PRMT2: variants seen among roughly 807,000 people sequenced by gnomAD.
The protein encoded by PRMT2 is protein arginine N-methyltransferase 2.
A neutral mutation model predicts 57.6 loss-of-function variants in PRMT2; 26 were observed. The observed-to-expected ratio is 0.45, with a 90% CI of 0.33 to 0.63. The LOEUF is 0.63. PRMT2 is among the 20% of genes least tolerant of loss of function. The pLI is 0.02. For missense variants in PRMT2, 472 were observed against 564.4 expected (o/e 0.84, Z 1.66); for synonymous variants, 219 against 220.0 (o/e 1.00, Z 0.04).
intron 10 of PRMT2, 43 bp downstream of exon 10, chr21:46,661,979 A>AGATGGGGGGCT: frequency 3.6e-5 from 2 of 56,212 alleles, no homozygotes; most frequent in Non-Finnish European, 6.5e-5. Flanking sequence ...GGTGGGGGGC[A>AGATGGGGGGCT]GGGGAGTAGG....
Position 46,660,977 on chromosome 21 carries a change from A to C in PRMT2, c.960+15A>C. ...CTGATCTAGAGGTGAGAAAAAGATG[A>C]ATTGCTCCTTACATTCGATAATCAG... On this transcript the variant is annotated intron_variant, in intron 9 of 11. Transcript: ENST00000355680. The C allele has an allele frequency of 6.2e-7, 1 of 1,608,740 alleles. No individual in the cohort carries two copies. The highest frequency in any genetic ancestry group is 8.5e-7 in the Non-Finnish European group (1 of 1,177,486).
At position 46,649,018 on chromosome 21, in the gene PRMT2, C is replaced by T. The variant is rs570150550; in HGVS notation, c.489+399C>T. ...TGGGAGGGATGCACACGCTGGGCCCCCTCCCCACCCCTCTTAGGCCGTCTA... is the reference window on the plus strand; with the variant it reads ...TGGGAGGGATGCACACGCTGGGCCCTCTCCCCACCCCTCTTAGGCCGTCTA... On this transcript the variant is annotated intron_variant, in intron 6 of 11. Coordinates refer to ENST00000355680, the MANE Select transcript of PRMT2 (RefSeq NM_206962.4). The surrounding 1 kb of genome is among the most constrained non-coding windows in gnomAD (Gnocchi z 4.8). 1.1e-4 allele frequency among the ~76,000 whole-genome samples: 16 copies of T among 152,178 alleles called. No individual in the cohort carries two copies. In the South Asian group the frequency reaches 3.3e-3, roughly 32 times the overall value.
rs771390918 is a variant in PRMT2 at position 46,651,802 on chromosome 21, C to T, written c.654+2063C>T. ...TTGTACCCACCTTCACTTTCCGTCC[C>T]CAGGCTGCGCCTCTCCTGAGCTGCC... On this transcript the variant is annotated intron_variant, in intron 7 of 11. Coordinates refer to ENST00000355680, the MANE Select transcript of PRMT2 (RefSeq NM_206962.4). The T allele has an allele frequency of 2.5e-5, 41 of 1,612,794 alleles. 1 individual carries two copies. The African/African-American group carries it at 4.7e-4, about 18-fold the overall frequency.
Position 46,643,542 on chromosome 21 carries a change from A to C in PRMT2, c.47A>C (p.Glu16Ala). The C allele has an allele frequency of 6.3e-7, 1 of 1,592,114 alleles. No individual in the cohort carries two copies. The highest frequency in any genetic ancestry group is 8.5e-7 in the Non-Finnish European group (1 of 1,171,430). Residue 16 changes from glutamate to alanine, a missense_variant, in exon 4 of 12, where the codon GAG becomes GCG. Glu to Ala is a moderately radical substitution (Grantham distance 107, BLOSUM62 -1). Coordinates refer to ENST00000355680, the MANE Select transcript of PRMT2 (RefSeq NM_206962.4). ...DCPRSESQGE[E>A]PAECSEAGLL... ...TTCCTTGGCTTTGAGCAGGGAGAAG[A>C]GCCTGCTGAGTGCAGTGAGGCCGGT...
At chr21:46,646,735 G>A (rs917233971) in intron 5 of PRMT2, among the ~76,000 whole-genome samples, 3 of 152,344 alleles carry the variant, frequency 2.0e-5, no homozygotes, top group East Asian at 1.9e-4. Flanking sequence ...TGTGTGTAGT[G>A]TGTACATGTG....
rs2148982930 is a variant in PRMT2, at chr21:46,649,485, A to G, written c.490-90A>G. The G allele has an allele frequency of 2.5e-6, 4 of 1,590,422 alleles. No individual in the cohort carries two copies. Among genetic ancestry groups the G allele is most frequent in the East Asian group, 2.2e-5 (1 of 44,746 alleles). On this transcript the variant is annotated intron_variant, in intron 6 of 11. Coordinates refer to ENST00000355680, the MANE Select transcript of PRMT2 (RefSeq NM_206962.4). The surrounding 1 kb of genome is among the most constrained non-coding windows in gnomAD (Gnocchi z 4.8). ...CTGCTTCCCTCTTGTGTCATTGACC[A>G]TTTCTCGTGATGCTGGTTGTGACTC...
In PRMT2 at chr21:46,661,829, C is replaced by G. The variant is rs1201011510; in HGVS notation, c.990C>G (p.Ile330Met). The G allele has an allele frequency of 3.3e-6, 5 of 1,493,386 alleles. No homozygotes were observed. Among genetic ancestry groups the G allele is most frequent in the Non-Finnish European group, 4.5e-6 (5 of 1,114,902 alleles). 92.5% of individuals were successfully genotyped at this position (1,493,386 alleles called of 1,614,324 possible). A position where few individuals can be genotyped will look rare whatever the true frequency, so the allele number is the denominator to read the frequency against. The change falls in exon 10 of 12, where the codon ATC becomes ATG. Residue 330 changes from isoleucine to methionine, a missense_variant. By Grantham distance (10) the Ile-to-Met change is conservative. Around this residue, in one of 2 missense-constraint regions of PRMT2, gnomAD observed 229 missense variants for 217.2 expected, o/e 1.05. Coordinates refer to ENST00000355680, the MANE Select transcript of PRMT2 (RefSeq NM_206962.4). ...TGAGGGGCGAGCTGCGCTTCGACAT[C>G]AGGAAGGCGGGGACCCTGCACGGCT... ...ETLRGELRFDIRKAGTLHGFT... is the reference protein window; with the variant it reads ...ETLRGELRFDMRKAGTLHGFT...
Position 46,648,564 on chromosome 21 carries a change from G to A in PRMT2, c.434G>A (p.Gly145Asp). ...ACGGATAAAGTCATCCTGGACGTGGGCTGTGGGACTGGGATCATCAGTCTC... is the reference window on the plus strand; with the variant it reads ...ACGGATAAAGTCATCCTGGACGTGGACTGTGGGACTGGGATCATCAGTCTC... ...SLTDKVILDVGCGTGIISLFC... is the reference protein window; with the variant it reads ...SLTDKVILDVDCGTGIISLFC... Residue 145 changes from glycine to aspartate, a missense_variant, in exon 6 of 12, where the codon GGC becomes GAC. Transcript: ENST00000355680. The surrounding 1 kb of genome is among the most constrained non-coding windows in gnomAD (Gnocchi z 4.8). 6.2e-7 allele frequency: 1 copy of A among 1,614,272 alleles called. No individual in the cohort carries two copies. The highest frequency in any genetic ancestry group is 8.5e-7 in the Non-Finnish European group (1 of 1,180,056).
At position 46,649,566 on chromosome 21, in the gene PRMT2, C is replaced by T. The variant is rs781211224; in HGVS notation, c.490-9C>T. On this transcript the variant is annotated splice_polypyrimidine_tract_variant and intron_variant, in intron 6 of 11. Coordinates refer to ENST00000355680, the MANE Select transcript of PRMT2 (RefSeq NM_206962.4). The surrounding 1 kb of genome is among the most constrained non-coding windows in gnomAD (Gnocchi z 4.8). ...CGGATGTACGCTGACGGTGCCTCTG[C>T]TGCTGCAGGTGTACGCGGTGGAGGC... 6 of 1,613,906 alleles carry T rather than the reference C, an allele frequency of 3.7e-6. No homozygotes were observed. The highest frequency in any genetic ancestry group is 1.1e-5 in the South Asian group (1 of 91,076).
chr21:46,658,567 G>A, intron 7 of PRMT2, 178 bp from the exon 8 acceptor site: 1 of 1,127,188 alleles, frequency 8.9e-7, no homozygotes, highest in Non-Finnish European at 1.2e-6. Context: ...TCAGTGACGT[G>A]TGGGCATAAA....
In PRMT2 at chr21:46,665,075, T is replaced by G. The variant is rs1263270779; in HGVS notation, c.*748T>G. On this transcript the variant is annotated 3_prime_UTR_variant, in exon 12 of 12. Coordinates refer to ENST00000355680, the MANE Select transcript of PRMT2 (RefSeq NM_206962.4). ...TTCCACATCAGTAGATACATGTCCA[T>G]AATTTTTTTTTGTATTGTTTTGATT... 1 of 152,170 alleles carries G rather than the reference T, an allele frequency of 6.6e-6. No homozygotes were observed. Among genetic ancestry groups the G allele is most frequent in the Non-Finnish European group, 1.5e-5 (1 of 68,036 alleles). 9.4% of individuals were successfully genotyped at this position (152,170 alleles called of 1,614,324 possible).
intron 3 of PRMT2, among the ~76,000 whole-genome samples, chr21:46,637,513 T>G (rs765678299): frequency 2.0e-5 from 3 of 152,246 alleles, no homozygotes; most frequent in African/African-American, 7.2e-5. Flanking sequence ...GTATCTGTTA[T>G]GTCAATTTTA....
At chr21:46,636,778 A>T (rs1049417946) in intron 2 of PRMT2, 118 bp from the exon 3 acceptor site, 1 of 584,930 alleles carries the variant, frequency 1.7e-6, no homozygotes, top group African/African-American at 1.9e-5. Flanking sequence ...ACTAATCTTC[A>T]CACATACACA....
chr21:46,645,903 G>A (rs2061358060), intron 5 of PRMT2, among the ~76,000 whole-genome samples: 2 of 151,968 alleles, frequency 1.3e-5, no homozygotes, highest in South Asian at 4.1e-4. Flanking sequence ...TTTTAATGAG[G>A]GGGTTTTGCC....
chr21:46,659,469 A>G (rs2061588183), intron 8 of PRMT2: 1 of 985,058 alleles, frequency 1.0e-6, no homozygotes, highest in Non-Finnish European at 1.2e-6. Flanking sequence ...TCAATTAGAA[A>G]GAGATGACTA....
rs774353253 is a variant in PRMT2 at position 46,649,874 on chromosome 21, AATTT to A, written c.654+136_654+139del. 1.3e-6 allele frequency: 2 copies of A among 1,495,730 alleles called. No homozygotes were observed. Among genetic ancestry groups the A allele is most frequent in the South Asian group, 2.6e-5 (2 of 77,378 alleles). The allele number at this position is 1,495,730 out of a possible 1,614,324, so 92.7% of individuals were successfully genotyped here. ...GTTTTCCCTAATGTGAGGTCTAATT[AATTT>A]CTTGTGTGGACATTGGCTCAGTGTC... is the stretch of plus-strand genomic sequence containing the variant. On this transcript the variant is annotated intron_variant, in intron 7 of 11. Coordinates refer to ENST00000355680, the MANE Select transcript of PRMT2 (RefSeq NM_206962.4). The surrounding 1 kb of genome is among the most constrained non-coding windows in gnomAD (Gnocchi z 4.8).
At chr21:46,645,811 G>T (rs1008129516) in intron 5 of PRMT2, among the ~76,000 whole-genome samples, 26 of 151,872 alleles carry the variant, frequency 1.7e-4, no homozygotes, top group African/African-American at 5.6e-4. Context: ...CTGCCTCCCG[G>T]GTTCAAGCAA....
chr21:46,663,651 G>C, intron 11 of PRMT2, 97 bp downstream of exon 11: 1 of 1,274,284 alleles, frequency 7.8e-7, no homozygotes, highest in Non-Finnish European at 1.1e-6. Flanking sequence ...GGCCCACACT[G>C]GGGTCCACGC....
chr21:46,643,420 A>G (rs1285355513), intron 3 of PRMT2, 115 bp from the exon 4 acceptor site: 2 of 1,339,734 alleles, frequency 1.5e-6, no homozygotes, highest in Non-Finnish European at 1.9e-6. Flanking sequence ...TGTATAATAA[A>G]TACTTGGACA....
Sources: gnomAD v4.1 joint callset for allele counts (sites outside exome capture counted in the v4.1 genomes callset) on GRCh38, gnomAD v4.1.1 for gene constraint, gnomAD v4.1.1 regional missense constraint, Gnocchi (gnomAD v3.1) non-coding constraint, MANE v1.5 for transcripts, NCBI Gene and HGNC (gene_info 2026-07-23, HGNC 2026-07-21) for gene names.